The following EPB41L4A variants were observed in gnomAD, a reference collection of about 807,000 sequenced individuals.
The protein encoded by EPB41L4A is band 4.1-like protein 4A.
EPB41L4A carries 100 observed loss-of-function variants against 108.6 expected under a neutral mutation model. The observed-to-expected ratio is 0.92, with a 90% CI of 0.78 to 1.09. EPB41L4A has a LOEUF of 1.09. Ranked by LOEUF, EPB41L4A falls within the 50% of genes least tolerant of loss-of-function variation. The pLI is 0.00. For missense variants in EPB41L4A, 1,030 were observed against 842.7 expected (o/e 1.22, Z -2.75); for synonymous variants, 319 against 289.0 (o/e 1.10, Z -1.05).
chr5:112,325,442 T>TAAA (rs11294749), intron 1 of EPB41L4A, among the ~76,000 whole-genome samples: 2 of 103,508 alleles, frequency 1.9e-5, no homozygotes, highest in Non-Finnish European at 2.2e-5. Context: ...CTCCGTCTCA[T>TAAA]AAAAAAAAAA....
chr5:112,196,013 G>C (rs1761950175), intron 15 of EPB41L4A, among the ~76,000 whole-genome samples: 1 of 152,144 alleles, frequency 6.6e-6, no homozygotes, highest in Non-Finnish European at 1.5e-5. Flanking sequence ...TGCCATAGTG[G>C]AACTGACATC....
chr5:112,415,488 T>C (rs1762661432), intron 1 of EPB41L4A, among the ~76,000 whole-genome samples: 1 of 152,200 alleles, frequency 6.6e-6, no homozygotes, highest in South Asian at 2.1e-4. Context: ...TATTTCATAT[T>C]TGTAGCAGCA....
rs754924394 is a variant in EPB41L4A at position 112,262,459 on chromosome 5, C to G, written c.642+35G>C. On this transcript the variant is annotated intron_variant, in intron 7 of 22. Coordinates refer to ENST00000261486, the MANE Select transcript of EPB41L4A (RefSeq NM_022140.5). ...GACTTTTTAAGAAAAATGTCATCAGCTTAAAATATTTTGTGTTAATTAAAT... is the reference window on the plus strand; with the variant it reads ...GACTTTTTAAGAAAAATGTCATCAGGTTAAAATATTTTGTGTTAATTAAAT... 2.5e-6 allele frequency: 4 copies of G among 1,574,362 alleles called. No homozygotes were observed. The East Asian group carries it at 9.0e-5, about 35-fold the overall frequency.
intron 6 of EPB41L4A, 42 bp from the exon 7 acceptor site, chr5:112,262,623 C>T (rs1293138855): frequency 6.7e-7 from 1 of 1,498,446 alleles, no homozygotes; most frequent in Admixed American, 1.7e-5. Context: ...TTTACAGCAG[C>T]TACTGCACTT....
chr5:112,328,369 C>CT (rs11421774), intron 1 of EPB41L4A, among the ~76,000 whole-genome samples: 37,720 of 151,974 alleles, frequency 0.25, 6,977 homozygotes, highest in African/African-American at 0.52. Flanking sequence ...TCTAGTTGCA[C>CT]TTGGCTTTCC....
chr5:112,405,470 G>A (rs1217731829), intron 1 of EPB41L4A, among the ~76,000 whole-genome samples: 1 of 152,196 alleles, frequency 6.6e-6, no homozygotes, highest in African/African-American at 2.4e-5. Flanking sequence ...AATAGATAAT[G>A]CAGGAGCAAA....
At chr5:112,345,688 T>C (rs1360359624) in intron 1 of EPB41L4A, among the ~76,000 whole-genome samples, 2 of 151,910 alleles carry the variant, frequency 1.3e-5, no homozygotes, top group Non-Finnish European at 2.9e-5. Flanking sequence ...CATGTGTGTG[T>C]ACGTGTGTGT....
At chr5:112,235,510 C>T (rs4957639) in intron 11 of EPB41L4A, among the ~76,000 whole-genome samples, 10,478 of 152,186 alleles carry the variant, frequency 0.069, 451 homozygotes, top group Admixed American at 0.13. Flanking sequence ...ACAGGAAAAA[C>T]GCATTTCTAC....
chr5:112,360,567 A>C (rs1349590414), intron 1 of EPB41L4A, among the ~76,000 whole-genome samples: 1 of 152,102 alleles, frequency 6.6e-6, no homozygotes, highest in Non-Finnish European at 1.5e-5. Context: ...AGTCTCGCTC[A>C]CTCAGTGCTC....
chr5:112,199,432 A>G (rs1762115104), intron 15 of EPB41L4A, among the ~76,000 whole-genome samples: 1 of 152,162 alleles, frequency 6.6e-6, no homozygotes, highest in African/African-American at 2.4e-5. Flanking sequence ...TTAATCTTCA[A>G]TTAAGCCAAA....
intron 1 of EPB41L4A, among the ~76,000 whole-genome samples, chr5:112,357,617 C>T (rs1758446506): frequency 1.3e-5 from 2 of 152,102 alleles, no homozygotes; most frequent in South Asian, 4.2e-4. Context: ...AATGAGCATC[C>T]CTCAAATGTG....
At chr5:112,368,589 G>C (rs1185221966) in intron 1 of EPB41L4A, among the ~76,000 whole-genome samples, 1 of 151,790 alleles carries the variant, frequency 6.6e-6, no homozygotes, top group African/African-American at 2.4e-5. Context: ...TCCTTTCCTT[G>C]AGCCCAGGCC....
intron 16 of EPB41L4A, 36 bp downstream of exon 16, chr5:112,195,625 T>G (rs1341803939): frequency 6.4e-7 from 1 of 1,553,730 alleles, no homozygotes. Context: ...CTAACCCTTC[T>G]TCCCTCTGAC....
chr5:112,143,901 G>A (rs1207369669), intron 13 of EPB41L4A: 2 of 454,190 alleles, frequency 4.4e-6, no homozygotes, highest in East Asian at 7.0e-5. Context: ...AGAAAAGAAG[G>A]GGGAAATGTG....
chr5:112,221,194 C>G (rs1748022255), intron 12 of EPB41L4A, among the ~76,000 whole-genome samples: 1 of 152,160 alleles, frequency 6.6e-6, no homozygotes, highest in Admixed American at 6.5e-5. Context: ...CTTAATTCAC[C>G]TGTCCATTAA....
chr5:112,324,211 A>C (rs1227787707), intron 1 of EPB41L4A, among the ~76,000 whole-genome samples: 2 of 152,210 alleles, frequency 1.3e-5, no homozygotes, highest in African/African-American at 4.8e-5. Flanking sequence ...AACAGATGAG[A>C]ACGAAAAATT....
chr5:112,262,361 T>C, intron 7 of EPB41L4A, 133 bp downstream of exon 7: 1 of 716,768 alleles, frequency 1.4e-6, no homozygotes, highest in East Asian at 2.5e-5. Flanking sequence ...TGCTTTGTGT[T>C]AGAAAAACAG....
chr5:112,275,288 A>G (rs1186466298), intron 4 of EPB41L4A, 38 bp downstream of exon 4: 2 of 1,512,460 alleles, frequency 1.3e-6, no homozygotes, highest in Admixed American at 2.2e-5. Flanking sequence ...TGTATATGCA[A>G]TGCATGTATC....
chr5:112,266,411 A>T, intron 4 of EPB41L4A, 81 bp from the exon 5 acceptor site: 1 of 909,940 alleles, frequency 1.1e-6, no homozygotes, highest in Non-Finnish European at 1.7e-6. Flanking sequence ...AATCAAGGTT[A>T]ACAACCAATC....
Sources: gnomAD v4.1 joint callset for allele counts (sites outside exome capture counted in the v4.1 genomes callset) on GRCh38, gnomAD v4.1.1 for gene constraint, MANE v1.5 for transcripts, NCBI Gene and HGNC (gene_info 2026-07-23, HGNC 2026-07-21) for gene names.